The following FLI1 variants were observed in gnomAD, a reference collection of about 807,000 sequenced individuals.
FLI1 encodes the protein Fli-1 proto-oncogene, ETS transcription factor.
In FLI1, 13 loss-of-function variants were observed where a neutral mutation model predicts 53.1. That is an observed-to-expected ratio of 0.24 (90% CI 0.16 to 0.39). The LOEUF (loss-of-function observed/expected upper bound fraction) is 0.39. Among genes scored for constraint, FLI1 ranks in the 10% least tolerant of loss-of-function variants. FLI1 has a pLI of 1.00. For synonymous variants in FLI1, 244 were observed against 236.7 expected (o/e 1.03, Z -0.28); for missense variants, 424 against 600.5 (o/e 0.71, Z 3.07).
chr11:128,695,359 G>A (rs1938019224), intron 1 of FLI1, among the ~76,000 whole-genome samples: 1 of 152,236 alleles, frequency 6.6e-6, no homozygotes, highest in Non-Finnish European at 1.5e-5. Context: ...GGGACCAGGG[G>A]TTAGCTTCGA....
At chr11:128,702,738 T>G (rs758450512) in intron 1 of FLI1, among the ~76,000 whole-genome samples, 11 of 152,152 alleles carry the variant, frequency 7.2e-5, no homozygotes, top group Non-Finnish European at 1.3e-4. Flanking sequence ...GGCGCATGCT[T>G]GTAGTCCCAG....
chr11:128,762,240 A>T (rs1159607744), intron 2 of FLI1, among the ~76,000 whole-genome samples: 1 of 152,246 alleles, frequency 6.6e-6, no homozygotes, highest in Admixed American at 6.5e-5. Context: ...ACAGTTCGTT[A>T]CTTGCACATG....
chr11:128,721,064 T>C (rs1174764163), intron 1 of FLI1, among the ~76,000 whole-genome samples: 1 of 152,140 alleles, frequency 6.6e-6, no homozygotes, highest in African/African-American at 2.4e-5. Flanking sequence ...CAGAGAAGCT[T>C]CTGGAGAATC....
At chr11:128,693,855 G>A, upstream of FLI1, 1 of 236,712 alleles carries the variant, frequency 4.2e-6, no homozygotes, top group Non-Finnish European at 7.8e-6. Context: ...CGAAAAGCAG[G>A]ACCAGCAGGG....
intron 5 of FLI1, among the ~76,000 whole-genome samples, chr11:128,801,107 A>T (rs1006693093): frequency 6.6e-6 from 1 of 152,182 alleles, no homozygotes; most frequent in Non-Finnish European, 1.5e-5. Context: ...TTTGGCTGCC[A>T]CCTCAAGTTT....
intron 1 of FLI1, among the ~76,000 whole-genome samples, chr11:128,747,141 C>A (rs145433243): frequency 3.2e-4 from 48 of 152,316 alleles, no homozygotes; most frequent in East Asian, 2.9e-3. Flanking sequence ...ATCTGTAAGG[C>A]GCGGGCTGCA....
At chr11:128,757,044 T>TTTTCTCTCTTTC (rs1555116904) in intron 1 of FLI1, among the ~76,000 whole-genome samples, 51 of 107,028 alleles carry the variant, frequency 4.8e-4, no homozygotes, top group African/African-American at 1.8e-3. Flanking sequence ...CTAGCTAATT[T>TTTTCTCTCTTTC]TTTCTTTCTT....
intron 1 of FLI1, among the ~76,000 whole-genome samples, chr11:128,709,132 C>T (rs1474393468): frequency 1.3e-5 from 2 of 152,210 alleles, no homozygotes; most frequent in Non-Finnish European, 2.9e-5. Context: ...CAGATAATAA[C>T]TTCTCCAATC....
intron 1 of FLI1, among the ~76,000 whole-genome samples, chr11:128,732,002 CA>C (rs10641944): frequency 1.0e-4 from 15 of 144,866 alleles, no homozygotes; most frequent in East Asian, 4.0e-4. Context: ...GACTCCATCT[CA>C]AAAAAAAAAA....
chr11:128,699,893 CAGGGGCATCATA>C (rs1418042004), intron 1 of FLI1, among the ~76,000 whole-genome samples: 1 of 152,212 alleles, frequency 6.6e-6, no homozygotes, highest in Non-Finnish European at 1.5e-5. Flanking sequence ...ACCTCAGTCT[CAGGGGCATCATA>C]AACTGACCAA....
chr11:128,696,974 T>G (rs540891715), intron 1 of FLI1, among the ~76,000 whole-genome samples: 1 of 152,256 alleles, frequency 6.6e-6, no homozygotes, highest in South Asian at 2.1e-4. Flanking sequence ...TATAAGTCCC[T>G]CCATATTATA....
intron 1 of FLI1, among the ~76,000 whole-genome samples, chr11:128,749,613 G>A (rs918976273): frequency 2.0e-5 from 3 of 152,192 alleles, no homozygotes; most frequent in Non-Finnish European, 2.9e-5. Context: ...GTTCAAGGGG[G>A]AAGAAAATAA....
At chr11:128,744,009 G>A (rs1940261366) in intron 1 of FLI1, among the ~76,000 whole-genome samples, 1 of 152,202 alleles carries the variant, frequency 6.6e-6, no homozygotes, top group South Asian at 2.1e-4. Context: ...GACCAGCTGT[G>A]CACCAGAGAG....
At chr11:128,721,538 C>T (rs528183565) in intron 1 of FLI1, among the ~76,000 whole-genome samples, 1 of 152,192 alleles carries the variant, frequency 6.6e-6, no homozygotes, top group African/African-American at 2.4e-5. Context: ...GGTTCAGTCT[C>T]ACAGTCCAGC....
intron 2 of FLI1, among the ~76,000 whole-genome samples, chr11:128,760,429 G>A (rs1054233220): frequency 3.3e-5 from 5 of 151,844 alleles, no homozygotes; most frequent in East Asian, 3.9e-4. Context: ...ACCTGGTGAG[G>A]AGGCCTATTC....
chr11:128,695,696 G>A (rs1406815029), intron 1 of FLI1, among the ~76,000 whole-genome samples: 3 of 152,198 alleles, frequency 2.0e-5, no homozygotes, highest in Non-Finnish European at 2.9e-5. Flanking sequence ...GAGCCTATAA[G>A]AGCCTGGGTT....
chr11:128,735,466 G>T (rs1404171379), intron 1 of FLI1, among the ~76,000 whole-genome samples: 2 of 152,188 alleles, frequency 1.3e-5, no homozygotes, highest in African/African-American at 2.4e-5. Flanking sequence ...ATACATCTAA[G>T]AAAATAGCAT....
At chr11:128,796,320 G>C (rs1942443368) in intron 5 of FLI1, among the ~76,000 whole-genome samples, 2 of 152,156 alleles carry the variant, frequency 1.3e-5, no homozygotes, top group Non-Finnish European at 2.9e-5. Context: ...CGGCCTTTTG[G>C]GCCTGTCTGC....
intron 5 of FLI1, among the ~76,000 whole-genome samples, chr11:128,798,835 C>T (rs1171422395): frequency 6.6e-6 from 1 of 152,054 alleles, no homozygotes; most frequent in East Asian, 1.9e-4. Flanking sequence ...GGCCAGGTGG[C>T]CAGTGACTCT....
Sources: allele counts gnomAD v4.1 joint callset (sites outside exome capture counted in the v4.1 genomes callset), GRCh38; gene constraint gnomAD v4.1.1; transcripts MANE v1.5; gene names NCBI Gene and HGNC (gene_info 2026-07-23, HGNC 2026-07-21).